Variants in LIPJ observed in about 807,000 individuals in gnomAD.
LIPJ encodes the protein lipase member J.
In LIPJ, 33 loss-of-function variants were observed where a neutral mutation model predicts 39.8. The ratio of observed to expected loss-of-function variants is 0.83; its 90% confidence interval spans 0.63 to 1.11. The LOEUF is 1.11. Among genes scored for constraint, LIPJ ranks in the 50% least tolerant of loss-of-function variants. LIPJ has a pLI of 0.00. For missense variants in LIPJ, 422 were observed against 427.9 expected (o/e 0.99, Z 0.12); for synonymous variants, 128 against 139.2 (o/e 0.92, Z 0.57).
chr10:88,619,030 T>C, the LIPJ span: 1 of 152,118 alleles, frequency 6.6e-6, no homozygotes, highest in Non-Finnish European at 1.5e-5. Context: ...AAGAAAATAA[T>C]TGCCTTTGCT....
At chr10:88,622,539 G>C in the LIPJ span, among the ~76,000 whole-genome samples, 2 of 152,102 alleles carry the variant, frequency 1.3e-5, no homozygotes, top group African/African-American at 4.8e-5. Context: ...AGGTGGGCTC[G>C]AGAATTTGCA....
At chr10:88,588,513 A>C (rs1850982225) in intron 2 of LIPJ, among the ~76,000 whole-genome samples, 1 of 151,930 alleles carries the variant, frequency 6.6e-6, no homozygotes, top group Admixed American at 6.6e-5. Flanking sequence ...TCATTTCAAC[A>C]TAAAGTCTAG....
chr10:88,602,356 G>A (rs939878402), intron 8 of LIPJ, among the ~76,000 whole-genome samples: 11 of 151,924 alleles, frequency 7.2e-5, no homozygotes, highest in East Asian at 1.9e-4. Context: ...AGTGGCAGAC[G>A]AAATAACTTA....
At chr10:88,614,146 G>T in the LIPJ span, among the ~76,000 whole-genome samples, 1 of 151,756 alleles carries the variant, frequency 6.6e-6, no homozygotes, top group South Asian at 2.1e-4. Context: ...GTTATTTGAT[G>T]ATATTAAATG....
chr10:88,595,639 G>A (rs1851228826), intron 6 of LIPJ, among the ~76,000 whole-genome samples: 1 of 151,578 alleles, frequency 6.6e-6, no homozygotes, highest in African/African-American at 2.4e-5. Flanking sequence ...GAGTGTCAGA[G>A]CTTGTGGACT....
chr10:88,587,198 A>T (rs1364495267), intron 1 of LIPJ, 68 bp from the exon 2 acceptor site: 1 of 152,038 alleles, frequency 6.6e-6, no homozygotes, highest in Non-Finnish European at 1.5e-5. Flanking sequence ...AAGGGGCTTG[A>T]AAAAAATAGG....
At chr10:88,622,945 AT>A in the LIPJ span, among the ~76,000 whole-genome samples, 1 of 152,154 alleles carries the variant, frequency 6.6e-6, no homozygotes, top group East Asian at 1.9e-4. Context: ...CATGATTCAA[AT>A]TTTTAAATTA....
intron 4 of LIPJ, chr10:88,592,136 G>T (rs1417557779): frequency 1.3e-5 from 2 of 151,880 alleles, no homozygotes; most frequent in Non-Finnish European, 2.9e-5. Context: ...GAAACAGGAT[G>T]TGAAACAAAT....
chr10:88,596,227 T>C (rs1440393644), intron 6 of LIPJ, 53 bp from the exon 7 acceptor site: 5 of 1,134,044 alleles, frequency 4.4e-6, no homozygotes, highest in East Asian at 3.0e-5. Context: ...ATCTCTTACA[T>C]GCTAGTAATT....
At chr10:88,603,949 G>C (rs938647126) in intron 9 of LIPJ, among the ~76,000 whole-genome samples, 1 of 152,070 alleles carries the variant, frequency 6.6e-6, no homozygotes, top group African/African-American at 2.4e-5. Context: ...AATATTTATT[G>C]TATACCTACT....
At position 88,605,594 on chromosome 10, in the gene LIPJ, G is replaced by T; in HGVS notation, c.796-39G>T. 2.1e-6 allele frequency: 3 copies of T among 1,423,166 alleles called. No individual in the cohort carries two copies. In the South Asian group the frequency reaches 3.5e-5, roughly 17 times the overall value. 88.2% of individuals were successfully genotyped at this position (1,423,166 alleles called of 1,614,324 possible). ...TAACTTGCTCAGCTGCCACTGTAATGAACAAATGATATGGTCTTATTTTTT... is the reference window on the plus strand; with the variant it reads ...TAACTTGCTCAGCTGCCACTGTAATTAACAAATGATATGGTCTTATTTTTT... On this transcript the variant is annotated intron_variant, in intron 9 of 10. Transcript: ENST00000371939.
downstream of LIPJ, chr10:88,607,049 C>G (rs1851691767): frequency 1.2e-6 from 1 of 827,888 alleles, no homozygotes; most frequent in Non-Finnish European, 1.6e-6. Flanking sequence ...ACCTTAGGCC[C>G]TCCAGTCATT....
At chr10:88,614,821 GA>G in the LIPJ span, among the ~76,000 whole-genome samples, 1 of 152,110 alleles carries the variant, frequency 6.6e-6, no homozygotes, top group Non-Finnish European at 1.5e-5. Flanking sequence ...TTAAGACAGT[GA>G]AAGATTTTTG....
At chr10:88,614,356 A>C in the LIPJ span, among the ~76,000 whole-genome samples, 1 of 152,144 alleles carries the variant, frequency 6.6e-6, no homozygotes, top group Admixed American at 6.5e-5. Flanking sequence ...AAGGTAGCTG[A>C]TAAGTAGGTT....
At chr10:88,611,496 A>T (rs1230271996), downstream of LIPJ, among the ~76,000 whole-genome samples, 1 of 152,246 alleles carries the variant, frequency 6.6e-6, no homozygotes, top group Non-Finnish European at 1.5e-5. Flanking sequence ...GTGAAGTCCA[A>T]CTTCAAGAAA....
chr10:88,596,466 T>A, intron 7 of LIPJ, 50 bp downstream of exon 7: 1 of 1,433,000 alleles, frequency 7.0e-7, no homozygotes. Context: ...GTGATAATTT[T>A]ATGCTTTCAA....
chr10:88,613,800 A>ATATATATATATATGTGTG, the LIPJ span, among the ~76,000 whole-genome samples: 2,298 of 73,136 alleles, frequency 0.031, 54 homozygotes, highest in Non-Finnish European at 0.038. Flanking sequence ...ATATATATAT[A>ATATATATATATATGTGTG]TGTGTGTGTG....
the LIPJ span, among the ~76,000 whole-genome samples, chr10:88,620,011 C>A: frequency 6.6e-6 from 1 of 151,732 alleles, no homozygotes. Flanking sequence ...ATTAAAAGAC[C>A]CCCAAACCTC....
chr10:88,597,225 G>A (rs1394759383), intron 8 of LIPJ, among the ~76,000 whole-genome samples: 1 of 151,740 alleles, frequency 6.6e-6, no homozygotes, highest in African/African-American at 2.4e-5. Flanking sequence ...TTAGTTTCCT[G>A]AGACTTCTAA....
Sources: gnomAD v4.1 joint callset for allele counts (sites outside exome capture counted in the v4.1 genomes callset) on GRCh38, gnomAD v4.1.1 for gene constraint, MANE v1.5 for transcripts, NCBI Gene and HGNC (gene_info 2026-07-23, HGNC 2026-07-21) for gene names.